ZNF596: variants seen among roughly 807,000 people sequenced by gnomAD.
The protein encoded by ZNF596 is zinc finger protein 596.
A neutral mutation model predicts 48.3 loss-of-function variants in ZNF596; 45 were observed. The observed-to-expected ratio is 0.93, with a 90% CI of 0.73 to 1.19. The LOEUF is 1.19. Ranked by LOEUF, ZNF596 falls within the 50% of genes most tolerant of loss-of-function variation. ZNF596 has a pLI of 0.00. For synonymous variants in ZNF596, 270 were observed against 202.0 expected (o/e 1.34, Z -2.85); for missense variants, 848 against 599.7 (o/e 1.41, Z -4.32).
chr8:238,628 CAAAAAAAAAAAAAAA>C (rs1167168569), intron 1 of ZNF596, among the ~76,000 whole-genome samples: 5 of 39,860 alleles, frequency 1.3e-4, no homozygotes, highest in Admixed American at 3.7e-4. Flanking sequence ...TGGTGAAATA[CAAAAAAAAAAAAAAA>C]AAAAAAAAAA....
rs1242148357 is a variant in ZNF596 at position 232,709 on chromosome 8, T to A, written c.-73+15T>A. 2.5e-6 allele frequency: 1 copy of A among 393,400 alleles called. No homozygotes were observed. Among genetic ancestry groups the A allele is most frequent in the Non-Finnish European group, 5.2e-6 (1 of 193,780 alleles). 24.4% of individuals were successfully genotyped at this position (393,400 alleles called of 1,614,324 possible). ...CGCGGCCTCAGGTCCCGATTCGGCA[T>A]GTGGCTTGTCTTCCATCGTCCCCAC... On this transcript the variant is annotated intron_variant, in intron 1 of 5. Transcript: ENST00000398612.
At chr8:233,338 A>C (rs1469557015) in intron 1 of ZNF596, 1 of 326,382 alleles carries the variant, frequency 3.1e-6, no homozygotes. Context: ...CTGATTTCCA[A>C]ATTAGTTTCC....
chr8:236,086 C>T (rs1796603353), intron 1 of ZNF596, among the ~76,000 whole-genome samples: 2 of 152,262 alleles, frequency 1.3e-5, no homozygotes, highest in South Asian at 4.1e-4. Context: ...ATAGGATTTT[C>T]AGGCTTTATT....
chr8:242,177 T>G (rs1469734660), intron 2 of ZNF596, among the ~76,000 whole-genome samples: 1 of 152,192 alleles, frequency 6.6e-6, no homozygotes, highest in African/African-American at 2.4e-5. Flanking sequence ...GAGACCATCT[T>G]TCAGTACTGA....
intron 3 of ZNF596, 27 bp downstream of exon 3, chr8:243,040 T>G: frequency 1.3e-6 from 2 of 1,577,190 alleles, no homozygotes; most frequent in Non-Finnish European, 1.7e-6. Context: ...TTATTATGTA[T>G]GTATATACGG....
chr8:244,471 TA>T, intron 4 of ZNF596, 147 bp from the exon 5 acceptor site: 1 of 660,406 alleles, frequency 1.5e-6, no homozygotes, highest in Non-Finnish European at 2.7e-6. Context: ...CAATGTGCTA[TA>T]ATACTCTTCT....
chr8:233,615 G>A (rs1241165265), intron 1 of ZNF596: 2 of 154,860 alleles, frequency 1.3e-5, no homozygotes, highest in African/African-American at 4.8e-5. Flanking sequence ...TGCAAATATT[G>A]AAGGATGACC....
intron 1 of ZNF596, among the ~76,000 whole-genome samples, chr8:235,438 T>C (rs1380478337): frequency 6.6e-6 from 1 of 152,182 alleles, no homozygotes; most frequent in Non-Finnish European, 1.5e-5. Context: ...CCACATAAAG[T>C]TCATCTACTA....
chr8:233,139 G>A, intron 1 of ZNF596: 1 of 468,026 alleles, frequency 2.1e-6, no homozygotes, highest in Admixed American at 2.4e-5. Context: ...GAAGTGGATG[G>A]GTCTGAGGAA....
chr8:232,453 C>T (rs1034176593), upstream of ZNF596: 53 of 271,838 alleles, frequency 1.9e-4, no homozygotes, highest in Non-Finnish European at 3.2e-4. Flanking sequence ...AACCCAGCCA[C>T]GCAGTTCCCT....
chr8:246,074 T>A lies in ZNF596; in HGVS notation c.1227T>A (p.His409Gln). 1 of 1,614,008 alleles carries A rather than the reference T, an allele frequency of 6.2e-7. No individual in the cohort carries two copies. Among genetic ancestry groups the A allele is most frequent in the East Asian group, 2.2e-5 (1 of 44,862 alleles). ...AFTESSDLRR[H>Q]ERTHTGEKPY... The stretch of plus-strand genomic sequence containing the variant: ...CTGAATCTTCTGACCTCAGACGACA[T>A]GAGAGAACTCACACTGGAGAAAAAC... Residue 409 changes from histidine (H) to glutamine (Q), a missense_variant, in exon 6 of 6, where the codon CAT becomes CAA. His to Gln is a conservative substitution (Grantham distance 24, BLOSUM62 0). Transcript: ENST00000398612.
Position 243,019 on chromosome 8 carries a change from T to C in ZNF596, c.139+6T>C, listed in dbSNP as rs1239550805. The C allele has an allele frequency of 3.1e-6, 5 of 1,604,438 alleles. No homozygotes were observed. The highest frequency in any genetic ancestry group is 4.3e-6 in the Non-Finnish European group (5 of 1,173,706). ...CAGTCATCTGGTCTCTATTGGTGAG[T>C]CTCTTTATATTTATTATGTATGTAT... On this transcript the variant is annotated splice_donor_region_variant and intron_variant, in intron 3 of 5. Transcript: ENST00000398612.
At chr8:233,112 G>C (rs973832747) in intron 1 of ZNF596, 6 of 468,374 alleles carry the variant, frequency 1.3e-5, no homozygotes, top group South Asian at 6.2e-5. Flanking sequence ...GAGAAAAGGG[G>C]AGGGAAGTTT....
At chr8:240,503 G>A (rs1796809285) in intron 1 of ZNF596, 1 of 193,076 alleles carries the variant, frequency 5.2e-6, no homozygotes, top group Non-Finnish European at 1.1e-5. Flanking sequence ...ATCTGTAGGT[G>A]GAGCCACATC....
rs182062077 is a variant in ZNF596, at chr8:233,136, A to G, written c.-73+442A>G. ...GGAGGGAAGTTTAGATGGGAAGTGG[A>G]TGGGTCTGAGGAATTTGAACAAACA... On this transcript the variant is annotated intron_variant, in intron 1 of 5. Transcript: ENST00000398612. The G allele has an allele frequency of 2.2e-3, 1,043 of 468,224 alleles. 40 individuals carry two copies. In the East Asian group the frequency reaches 0.053, roughly 24 times the overall value. 29.0% of individuals were successfully genotyped at this position (468,224 alleles called of 1,614,324 possible).
intron 1 of ZNF596, among the ~76,000 whole-genome samples, chr8:238,032 G>A (rs1018262774): frequency 1.3e-5 from 2 of 152,206 alleles, no homozygotes; most frequent in Non-Finnish European, 2.9e-5. Flanking sequence ...GGCCTCCTTG[G>A]AGGACTTAGA....
chr8:243,071 T>A, intron 3 of ZNF596, 58 bp downstream of exon 3: 1 of 1,499,752 alleles, frequency 6.7e-7, no homozygotes, highest in Admixed American at 1.8e-5. Context: ...TCACTCATTT[T>A]TCACTGATTC....
At chr8:240,624 TAAAATA>T in intron 1 of ZNF596, 194 bp from the exon 2 acceptor site, 2 of 454,224 alleles carry the variant, frequency 4.4e-6, no homozygotes, top group Non-Finnish European at 7.8e-6. Context: ...TTTCTAGGTC[TAAAATA>T]AAAATATTTA....
rs567026884 is a variant in ZNF596, at chr8:241,510, C to T, written c.12+603C>T. Among the ~76,000 whole-genome samples the T allele has an allele frequency of 9.9e-5, 15 of 152,278 alleles. No homozygotes were observed. In the South Asian group the frequency reaches 2.9e-3, roughly 30 times the overall value. The stretch of plus-strand genomic sequence containing the variant: ...AAGCAAAATTAAAATTCTTATTACC[C>T]TTGTCCCCAAATTAACCTCTGATCA... On this transcript the variant is annotated intron_variant, in intron 2 of 5. Coordinates refer to ENST00000398612, the MANE Select transcript of ZNF596 (RefSeq NM_001042416.3).
Sources: allele counts gnomAD v4.1 joint callset (sites outside exome capture counted in the v4.1 genomes callset), GRCh38; gene constraint gnomAD v4.1.1; transcripts MANE v1.5; gene names NCBI Gene and HGNC (gene_info 2026-07-23, HGNC 2026-07-21).